Variants in KIAA1217 observed in about 807,000 individuals in gnomAD.
The protein encoded by KIAA1217 is KIAA1217.
KIAA1217 carries 88 observed loss-of-function variants against 163.9 expected under a neutral mutation model. The ratio of observed to expected loss-of-function variants is 0.54; its 90% CI spans 0.45 to 0.64. KIAA1217 has a LOEUF of 0.64. Ranked by LOEUF, KIAA1217 falls within the 30% of genes least tolerant of loss-of-function variation. KIAA1217 has a pLI of 0.00. For synonymous variants in KIAA1217, 903 were observed against 923.1 expected, an observed-to-expected ratio of 0.98 and a Z score of 0.39; for missense variants, 2,372 against 2,475.0, an observed-to-expected ratio of 0.96 and a Z score of 0.88.
intron 6 of KIAA1217, among the ~76,000 whole-genome samples, chr10:24,488,008 A>G (rs912640620): frequency 2.0e-5 from 3 of 152,240 alleles, no homozygotes; most frequent in African/African-American, 7.2e-5. Context: ...GGCAGGAGAA[A>G]TGACCAGAGA....
intron 1 of KIAA1217, among the ~76,000 whole-genome samples, chr10:24,218,997 T>C (rs1250544361): frequency 6.6e-6 from 1 of 152,188 alleles, no homozygotes; most frequent in African/African-American, 2.4e-5. Flanking sequence ...TTATTAAAAA[T>C]ACAGAAATAA....
rs541183890 is a variant in KIAA1217, at chr10:24,269,490, C to T, written c.354+49581C>T. 5.3e-5 allele frequency among the ~76,000 whole-genome samples: 8 copies of T among 152,274 alleles called. No homozygotes were observed. The South Asian group carries it at 1.0e-3, about 20-fold the overall frequency. ...TGTGAGCCATGACCGTGCCACTGTA[C>T]TCCAGCTTGGGCAACAGAGTGATTC... On this transcript the variant is annotated intron_variant, in intron 2 of 20. Transcript: ENST00000376454.
chr10:23,955,123 C>T (rs2131362502), intron 1 of KIAA1217, among the ~76,000 whole-genome samples: 2 of 152,296 alleles, frequency 1.3e-5, no homozygotes, highest in African/African-American at 4.8e-5. Flanking sequence ...CTGATTGAAG[C>T]AGGCAACATT....
At chr10:24,140,601 A>T (rs1419760793) in intron 2 of KIAA1217, among the ~76,000 whole-genome samples, 57 of 152,202 alleles carry the variant, frequency 3.7e-4, no homozygotes, top group Non-Finnish European at 4.4e-5. Context: ...GGAATGAAGC[A>T]GGACTGTATG....
intron 5 of KIAA1217, among the ~76,000 whole-genome samples, chr10:24,467,613 T>C (rs1564733597): frequency 6.6e-6 from 1 of 152,190 alleles, no homozygotes; most frequent in African/African-American, 2.4e-5. Flanking sequence ...ATGAAATTGT[T>C]TAAAGCTTAC....
chr10:23,999,480 G>A (rs971083552), intron 1 of KIAA1217, among the ~76,000 whole-genome samples: 17 of 152,256 alleles, frequency 1.1e-4, no homozygotes, highest in East Asian at 1.9e-4. Context: ...TACCCTTCGC[G>A]TCATCTTGAG....
At chr10:23,889,004 T>C (rs1173966548) in intron 1 of KIAA1217, among the ~76,000 whole-genome samples, 1 of 151,918 alleles carries the variant, frequency 6.6e-6, no homozygotes, top group Non-Finnish European at 1.5e-5. Context: ...GAGCCATCCA[T>C]TTGTGGCAAG....
chr10:24,461,122 A>G (rs749646379), intron 5 of KIAA1217, among the ~76,000 whole-genome samples: 2 of 152,158 alleles, frequency 1.3e-5, no homozygotes, highest in Non-Finnish European at 2.9e-5. Context: ...AAAACCATCT[A>G]TCCTTTACAC....
At chr10:24,287,243 G>T (rs1564408526) in intron 2 of KIAA1217, among the ~76,000 whole-genome samples, 1 of 152,122 alleles carries the variant, frequency 6.6e-6, no homozygotes, top group Non-Finnish European at 1.5e-5. Flanking sequence ...TAGAGACAGG[G>T]TTTCACCATG....
chr10:23,915,244 T>C (rs893386104), intron 1 of KIAA1217, among the ~76,000 whole-genome samples: 4 of 152,074 alleles, frequency 2.6e-5, no homozygotes, highest in African/African-American at 9.7e-5. Context: ...GAAGAGGTCC[T>C]TGGATTTAGA....
intron 2 of KIAA1217, among the ~76,000 whole-genome samples, chr10:24,235,494 G>A (rs556781610): frequency 2.0e-5 from 3 of 152,344 alleles, no homozygotes; most frequent in Admixed American, 1.3e-4. Flanking sequence ...AAATGTATAT[G>A]TGTTGTTTTC....
chr10:24,060,931 C>A (rs901279671), intron 2 of KIAA1217, among the ~76,000 whole-genome samples: 2 of 152,138 alleles, frequency 1.3e-5, no homozygotes, highest in Non-Finnish European at 2.9e-5. Context: ...TGCTATTGTT[C>A]TGTATAAGTA....
chr10:24,077,890 G>A (rs887339666), intron 2 of KIAA1217, among the ~76,000 whole-genome samples: 4 of 152,170 alleles, frequency 2.6e-5, no homozygotes, highest in Non-Finnish European at 4.4e-5. Context: ...ATTCTGACTG[G>A]TGTGAGATGG....
At chr10:24,398,987 C>T (rs2056198377) in intron 3 of KIAA1217, among the ~76,000 whole-genome samples, 1 of 152,178 alleles carries the variant, frequency 6.6e-6, no homozygotes, top group African/African-American at 2.4e-5. Flanking sequence ...CTGACCATCA[C>T]CTGATGGTTG....
chr10:24,003,664 T>C (rs922294484), intron 1 of KIAA1217, among the ~76,000 whole-genome samples: 9 of 152,196 alleles, frequency 5.9e-5, no homozygotes, highest in African/African-American at 2.2e-4. Context: ...GGGGTGGGTT[T>C]CACAACTGCT....
intron 1 of KIAA1217, among the ~76,000 whole-genome samples, chr10:23,837,872 C>T (rs1441971812): frequency 1.3e-5 from 2 of 152,138 alleles, no homozygotes; most frequent in African/African-American, 4.8e-5. Context: ...TCTTTAACCA[C>T]TTCGTCATAC....
intron 2 of KIAA1217, among the ~76,000 whole-genome samples, chr10:24,370,264 C>CAAAAAAAAAAAAAAAA (rs5783891): frequency 1.4e-5 from 1 of 73,450 alleles, no homozygotes; most frequent in African/African-American, 5.2e-5. Context: ...GACTCTGTCT[C>CAAAAAAAAAAAAAAAA]AAAAAAAAAA....
intron 2 of KIAA1217, among the ~76,000 whole-genome samples, chr10:24,101,164 G>GCTTGA (rs1456851017): frequency 6.6e-6 from 1 of 152,124 alleles, no homozygotes; most frequent in African/African-American, 2.4e-5. Context: ...AGGAGTCAAG[G>GCTTGA]TCAAAATACA....
chr10:24,325,873 C>A (rs115829072), intron 2 of KIAA1217, among the ~76,000 whole-genome samples: 1 of 152,136 alleles, frequency 6.6e-6, no homozygotes, highest in Non-Finnish European at 1.5e-5. Flanking sequence ...GCAGGAAGCT[C>A]CTCTCTCTAA....
Sources: gnomAD v4.1 joint callset for allele counts (sites outside exome capture counted in the v4.1 genomes callset) on GRCh38, gnomAD v4.1.1 for gene constraint, MANE v1.5 for transcripts, NCBI Gene and HGNC (gene_info 2026-07-23, HGNC 2026-07-21) for gene names.